RBFOX1: variants seen among roughly 807,000 people sequenced by gnomAD.
RBFOX1 encodes RNA binding fox-1 homolog 1, also known as RNA binding protein fox-1 homolog 1.
A neutral mutation model predicts 57.7 loss-of-function variants in RBFOX1; 8 were observed. The ratio of observed to expected loss-of-function variants is 0.14; its 90% confidence interval spans 0.08 to 0.25. The LOEUF (loss-of-function observed/expected upper bound fraction) is 0.25. Ranked by LOEUF, RBFOX1 falls within the 10% of genes least tolerant of loss-of-function variation. RBFOX1 has a pLI of 1.00. For missense variants in RBFOX1, 611 were observed against 548.5 expected (o/e 1.11, Z -1.14); for synonymous variants, 326 against 222.4 (o/e 1.47, Z -4.15).
intron 12 of RBFOX1, 78 bp from the exon 13 acceptor site, chr16:7,664,851 C>T (rs1246985563): frequency 6.8e-6 from 11 of 1,612,400 alleles, no homozygotes; most frequent in African/African-American, 1.3e-5. Flanking sequence ...AGACTAACCT[C>T]GCCAGTGCAG....
intron 4 of RBFOX1, among the ~76,000 whole-genome samples, chr16:6,006,298 T>C (rs1434937904): frequency 1.3e-5 from 2 of 151,778 alleles, no homozygotes; most frequent in Admixed American, 6.6e-5. Context: ...GTCACAGTGA[T>C]GGTTCAGCCC....
chr16:5,789,083 C>G (rs570428833), intron 3 of RBFOX1, among the ~76,000 whole-genome samples: 2 of 152,274 alleles, frequency 1.3e-5, no homozygotes, highest in East Asian at 1.9e-4. Context: ...ACCCTTCCCT[C>G]TCTCTCCCTC....
At chr16:7,058,974 G>A (rs560375932) in intron 4 of RBFOX1, among the ~76,000 whole-genome samples, 43 of 152,310 alleles carry the variant, frequency 2.8e-4, no homozygotes, top group Non-Finnish European at 5.3e-4. Flanking sequence ...TACCCGCCTT[G>A]TGAAAGAGGT....
intron 13 of RBFOX1, among the ~76,000 whole-genome samples, chr16:7,674,012 A>G (rs569216175): frequency 1.3e-5 from 2 of 152,328 alleles, no homozygotes; most frequent in Admixed American, 6.5e-5. Flanking sequence ...GCTGCAAAAT[A>G]CAGAGCGATA....
chr16:6,939,524 T>G (rs563132624), intron 3 of RBFOX1, among the ~76,000 whole-genome samples: 1 of 151,796 alleles, frequency 6.6e-6, no homozygotes, highest in Non-Finnish European at 1.5e-5. Flanking sequence ...TTTTTTCTTT[T>G]TTTTGAGATG....
intron 2 of RBFOX1, among the ~76,000 whole-genome samples, chr16:6,577,819 G>A (rs1448153307): frequency 1.3e-5 from 2 of 151,874 alleles, no homozygotes; most frequent in Non-Finnish European, 2.9e-5. Flanking sequence ...TATGTGCTCA[G>A]GAAAAAAATA....
At chr16:6,514,310 T>C (rs2096324182) in intron 2 of RBFOX1, among the ~76,000 whole-genome samples, 1 of 152,162 alleles carries the variant, frequency 6.6e-6, no homozygotes, top group African/African-American at 2.4e-5. Context: ...GAATCTGGCT[T>C]CCCGAGAGTC....
intron 4 of RBFOX1, among the ~76,000 whole-genome samples, chr16:7,221,311 A>G (rs1473445773): frequency 1.3e-5 from 2 of 151,328 alleles, no homozygotes; most frequent in Non-Finnish European, 3.0e-5. Flanking sequence ...ACAAATATTA[A>G]CTTTTGACTT....
At chr16:7,422,698 G>T (rs765641246) in intron 4 of RBFOX1, 1 of 152,174 alleles carries the variant, frequency 6.6e-6, no homozygotes, top group Non-Finnish European at 1.5e-5. Flanking sequence ...ATGTATAGGA[G>T]TGAGGAGAGG....
chr16:6,414,933 C>G (rs138552264), intron 2 of RBFOX1, among the ~76,000 whole-genome samples: 1,698 of 152,068 alleles, frequency 0.011, 12 homozygotes, highest in Non-Finnish European at 0.017. Flanking sequence ...ATGAACCGGT[C>G]CCAATATCAA....
At chr16:7,000,586 C>CTTTTT (rs149516490) in intron 3 of RBFOX1, among the ~76,000 whole-genome samples, 8,983 of 95,504 alleles carry the variant, frequency 0.094, 1,197 homozygotes, top group African/African-American at 0.29. Context: ...TTTTTTCTTT[C>CTTTTT]TTTTTCTTTC....
intron 2 of RBFOX1, among the ~76,000 whole-genome samples, chr16:6,375,773 A>C (rs2091094063): frequency 6.6e-6 from 1 of 152,068 alleles, no homozygotes; most frequent in Admixed American, 6.5e-5. Flanking sequence ...GGTTTCCAGA[A>C]CCTCAGCACA....
intron 1 of RBFOX1, among the ~76,000 whole-genome samples, chr16:6,087,554 A>G (rs1270521849): frequency 6.6e-6 from 1 of 152,168 alleles, no homozygotes; most frequent in African/African-American, 2.4e-5. Context: ...TCTTCATGCT[A>G]TAAATGTCCT....
At chr16:5,282,361 G>A (rs965831021) in intron 1 of RBFOX1, among the ~76,000 whole-genome samples, 14 of 152,198 alleles carry the variant, frequency 9.2e-5, no homozygotes, top group African/African-American at 3.4e-4. Flanking sequence ...TACCAGAAGT[G>A]GGGTGTTGCT....
At chr16:5,675,824 G>A (rs940248647) in intron 3 of RBFOX1, among the ~76,000 whole-genome samples, 3 of 152,186 alleles carry the variant, frequency 2.0e-5, no homozygotes, top group Non-Finnish European at 4.4e-5. Context: ...GGAAGTTGCA[G>A]CAGACATTGC....
At chr16:5,959,067 C>T (rs2059700827) in intron 4 of RBFOX1, among the ~76,000 whole-genome samples, 1 of 152,198 alleles carries the variant, frequency 6.6e-6, no homozygotes, top group Non-Finnish European at 1.5e-5. Context: ...GTAAAACTTG[C>T]AGCAGTGCCT....
intron 2 of RBFOX1, among the ~76,000 whole-genome samples, chr16:6,448,996 C>T (rs1027172481): frequency 1.3e-5 from 2 of 152,066 alleles, no homozygotes; most frequent in African/African-American, 4.8e-5. Flanking sequence ...TTTATATAAA[C>T]CTACATTGAA....
At chr16:6,606,123 A>G (rs1375456823) in intron 2 of RBFOX1, among the ~76,000 whole-genome samples, 1 of 152,158 alleles carries the variant, frequency 6.6e-6, no homozygotes, top group Admixed American at 6.5e-5. Flanking sequence ...AAGAAAAAAA[A>G]AGAAATATAC....
intron 2 of RBFOX1, among the ~76,000 whole-genome samples, chr16:5,590,898 G>A (rs1380892614): frequency 6.6e-6 from 1 of 152,056 alleles, no homozygotes; most frequent in Non-Finnish European, 1.5e-5. Context: ...TATGTTTCCT[G>A]GTGAAATCCA....
Sources: gnomAD v4.1 joint callset for allele counts (sites outside exome capture counted in the v4.1 genomes callset) on GRCh38, gnomAD v4.1.1 for gene constraint, MANE v1.5 for transcripts, NCBI Gene and HGNC (gene_info 2026-07-23, HGNC 2026-07-21) for gene names.